The following DRC11 variants were observed in gnomAD, a reference collection of about 807,000 sequenced individuals.
DRC11 encodes the protein dynein regulatory complex subunit 11.
chr2:236,384,709 G>C, the DRC11 span, among the ~76,000 whole-genome samples: 1 of 151,092 alleles, frequency 6.6e-6, no homozygotes, highest in Non-Finnish European at 1.5e-5. Context: ...CATTGCTTTT[G>C]GTGTTTTAGA....
the DRC11 span, among the ~76,000 whole-genome samples, chr2:236,309,811 C>T: frequency 3.3e-5 from 5 of 152,156 alleles, no homozygotes; most frequent in Non-Finnish European, 7.4e-5. The surrounding 1 kb of genome is among the most constrained non-coding windows in gnomAD (Gnocchi z 5.7). Flanking sequence ...CCCGACGGTC[C>T]ACCTCCTCAT....
chr2:236,449,357 C>T, the DRC11 span, among the ~76,000 whole-genome samples: 13 of 152,174 alleles, frequency 8.5e-5, no homozygotes, highest in South Asian at 2.1e-4. The surrounding 1 kb of genome is among the most constrained non-coding windows in gnomAD (Gnocchi z 5.1). Flanking sequence ...CATTCTGTCA[C>T]GAAGCCAGGG....
chr2:236,340,474 G>A, the DRC11 span, among the ~76,000 whole-genome samples: 3 of 152,172 alleles, frequency 2.0e-5, no homozygotes, highest in African/African-American at 4.8e-5. Context: ...GTAGCAAGCC[G>A]ATGGTGGTGG....
At chr2:236,319,713 G>A in the DRC11 span, among the ~76,000 whole-genome samples, 5 of 152,140 alleles carry the variant, frequency 3.3e-5, no homozygotes, top group Non-Finnish European at 7.3e-5. The surrounding 1 kb of genome is among the most constrained non-coding windows in gnomAD (Gnocchi z 6.7). Context: ...CTGTGCCAGG[G>A]ACCTTAAATA....
the DRC11 span, chr2:236,407,849 A>G: frequency 3.1e-6 from 1 of 327,374 alleles, no homozygotes. Context: ...CCTGGCATTA[A>G]GCTCCGTCTT....
chr2:236,401,381 GA>G, the DRC11 span, among the ~76,000 whole-genome samples: 1 of 151,474 alleles, frequency 6.6e-6, no homozygotes, highest in Non-Finnish European at 1.5e-5. The surrounding 1 kb of genome is among the most constrained non-coding windows in gnomAD (Gnocchi z 4.6). Flanking sequence ...CTGCCCTTTT[GA>G]CAGGATTGTC....
chr2:236,491,786 A>C, the DRC11 span, among the ~76,000 whole-genome samples: 1 of 152,128 alleles, frequency 6.6e-6, no homozygotes, highest in Non-Finnish European at 1.5e-5. Flanking sequence ...TCATAATGTA[A>C]AAGAAGGGCC....
the DRC11 span, among the ~76,000 whole-genome samples, chr2:236,420,409 C>A: frequency 3.3e-5 from 5 of 152,162 alleles, no homozygotes; most frequent in African/African-American, 1.2e-4. This position sits in a 1 kb window ranked among gnomAD's most constrained non-coding sequence, Gnocchi z 4.8. Flanking sequence ...CAGGTACATA[C>A]ACATGTAGTC....
the DRC11 span, among the ~76,000 whole-genome samples, chr2:236,438,978 T>C: frequency 0.011 from 1,556 of 147,736 alleles, 34 homozygotes; most frequent in African/African-American, 0.037. Flanking sequence ...ACTGGGTACA[T>C]AACGAAATGA....
the DRC11 span, among the ~76,000 whole-genome samples, chr2:236,322,949 G>A: frequency 6.6e-6 from 1 of 152,196 alleles, no homozygotes; most frequent in Non-Finnish European, 1.5e-5. Flanking sequence ...ATTGCAGAAA[G>A]TTCTACTGGA....
chr2:236,335,518 C>T, the DRC11 span, among the ~76,000 whole-genome samples: 1 of 152,186 alleles, frequency 6.6e-6, no homozygotes, highest in Non-Finnish European at 1.5e-5. This position sits in a 1 kb window ranked among gnomAD's most constrained non-coding sequence, Gnocchi z 5.6. Context: ...CATCACGATG[C>T]TGTGAGGAGA....
At chr2:236,331,339 TC>T in the DRC11 span, 1 of 1,539,166 alleles carries the variant, frequency 6.5e-7, no homozygotes, top group Non-Finnish European at 9.0e-7. The surrounding 1 kb of genome is among the most constrained non-coding windows in gnomAD (Gnocchi z 4.8). Context: ...TAAGACTTGG[TC>T]ATCAGGGTGT....
the DRC11 span, among the ~76,000 whole-genome samples, chr2:236,327,073 T>G: frequency 2.4e-4 from 37 of 152,144 alleles, no homozygotes; most frequent in African/African-American, 8.7e-4. Flanking sequence ...TCTCTCCTTA[T>G]TCTTTCCTCC....
the DRC11 span, chr2:236,324,592 T>G: frequency 1.4e-6 from 1 of 739,304 alleles, no homozygotes; most frequent in Non-Finnish European, 2.3e-6. The surrounding 1 kb of genome is among the most constrained non-coding windows in gnomAD (Gnocchi z 5.7). Flanking sequence ...GTGAATCTTT[T>G]CTTTGGCGAG....
chr2:236,358,092 TACC>T, the DRC11 span, among the ~76,000 whole-genome samples: 10 of 118,780 alleles, frequency 8.4e-5, no homozygotes, highest in African/African-American at 2.7e-4. Context: ...TATAGATATA[TACC>T]ATATGAATAT....
chr2:236,365,429 G>T, the DRC11 span, among the ~76,000 whole-genome samples: 1 of 152,100 alleles, frequency 6.6e-6, no homozygotes, highest in South Asian at 2.1e-4. This position sits in a 1 kb window ranked among gnomAD's most constrained non-coding sequence, Gnocchi z 7.4. Context: ...CTTCATGTGG[G>T]GCCGGGAAGC....
the DRC11 span, among the ~76,000 whole-genome samples, chr2:236,355,747 C>CTGTGTG: frequency 9.4e-6 from 1 of 106,284 alleles, no homozygotes; most frequent in African/African-American, 3.3e-5. Flanking sequence ...CTCTCTCTCT[C>CTGTGTG]TCTGTGTGTG....
At chr2:236,356,883 A>G in the DRC11 span, among the ~76,000 whole-genome samples, 1 of 138,448 alleles carries the variant, frequency 7.2e-6, no homozygotes, top group South Asian at 2.1e-4. Context: ...TCAAATATTT[A>G]TACTTTTTAT....
the DRC11 span, among the ~76,000 whole-genome samples, chr2:236,356,208 C>T: frequency 6.6e-6 from 1 of 152,202 alleles, no homozygotes; most frequent in African/African-American, 2.4e-5. Context: ...CGACCCAGAT[C>T]CAGGGGGCCG....
Sources: gnomAD v4.1 joint callset for allele counts (sites outside exome capture counted in the v4.1 genomes callset) on GRCh38, gnomAD v4.1.1 for gene constraint, Gnocchi (gnomAD v3.1) non-coding constraint, MANE v1.5 for transcripts, NCBI Gene and HGNC (gene_info 2026-07-23, HGNC 2026-07-21) for gene names.